The following FAM220A variants were observed in gnomAD, a reference collection of about 807,000 sequenced individuals.
FAM220A encodes the protein family with sequence similarity 220 member A.
For missense variants in FAM220A, 392 were observed against 321.6 expected (o/e 1.22, Z -1.68); for synonymous variants, 141 against 130.7 (o/e 1.08, Z -0.54).
chr7:6,330,216 G>A lies in FAM220A; in HGVS notation c.*159C>T, dbSNP rs1781600074. ...CAAAAAAGTTCCTTCCGCATCAACT[G>A]GCTTTGAATTTAAACTCAATTTACT... On this transcript the variant is annotated 3_prime_UTR_variant, in exon 2 of 2. Transcript: ENST00000313324. 4 of 721,874 alleles carry A rather than the reference G, an allele frequency of 5.5e-6. No homozygotes were observed. The highest frequency in any genetic ancestry group is 9.0e-6 in the Non-Finnish European group (4 of 442,020). The allele number at this position is 721,874 out of a possible 1,614,324, so 44.7% of individuals were successfully genotyped here.
chr7:6,336,283 GGCTGCAGTAA>G (rs1781744763), intron 1 of FAM220A, among the ~76,000 whole-genome samples: 1 of 152,014 alleles, frequency 6.6e-6, no homozygotes, highest in South Asian at 2.1e-4. Flanking sequence ...AGAAGCTCAA[GGCTGCAGTAA>G]GCTGTGATCA....
At chr7:6,340,965 TAAAAA>T (rs149288000) in intron 1 of FAM220A, among the ~76,000 whole-genome samples, 1 of 87,438 alleles carries the variant, frequency 1.1e-5, no homozygotes, top group Admixed American at 1.5e-4. Flanking sequence ...CTGTCTCTAC[TAAAAA>T]AAAAAAAAAA....
chr7:6,335,897 G>C (rs1483130955), intron 1 of FAM220A, among the ~76,000 whole-genome samples: 2 of 151,884 alleles, frequency 1.3e-5, no homozygotes, highest in Admixed American at 6.6e-5. Context: ...GAGTGGCCGG[G>C]AGCAGTGGCT....
intron 1 of FAM220A, among the ~76,000 whole-genome samples, chr7:6,344,774 T>C (rs191805579): frequency 2.0e-5 from 3 of 152,212 alleles, no homozygotes. Flanking sequence ...GGAGTCTCAC[T>C]GTGTTGCCCA....
chr7:6,337,468 G>C lies in FAM220A; in HGVS notation c.-81-6233C>G, dbSNP rs1358612792. Among the ~76,000 whole-genome samples, 2 of 151,762 alleles carry C rather than the reference G, an allele frequency of 1.3e-5. 1 individual carries two copies. The highest frequency in any genetic ancestry group is 4.9e-5 in the African/African-American group (2 of 41,080). On this transcript the variant is annotated intron_variant, in intron 1 of 1. Transcript: ENST00000313324. ...AACAGGTCATATAATATGGGACAGT[G>C]CTCAGAAAAATTAAGTTTCTAACCA...
intron 1 of FAM220A, among the ~76,000 whole-genome samples, chr7:6,346,760 A>G (rs1383099886): frequency 6.6e-6 from 1 of 152,146 alleles, no homozygotes; most frequent in Non-Finnish European, 1.5e-5. Flanking sequence ...GGCACCAGCC[A>G]CCTGAAGACC....
In FAM220A at chr7:6,348,954, T is replaced by C. The variant is rs891561608; in HGVS notation, c.-463A>G. ...CCGCGAGCAGCCGCCTGTACCAGCC[T>C]GGCCGCGCAGCCTGACGTCACAAAG... On this transcript the variant is annotated 5_prime_UTR_variant, in exon 1 of 2. Coordinates refer to ENST00000313324, the MANE Select transcript of FAM220A (RefSeq NM_001037163.2). The C allele has an allele frequency of 5.3e-6, 2 of 376,308 alleles. No individual in the cohort carries two copies. Among genetic ancestry groups the C allele is most frequent in the Non-Finnish European group, 9.4e-6 (2 of 212,746 alleles). The allele number at this position is 376,308 out of a possible 1,614,324, so 23.3% of individuals were successfully genotyped here.
chr7:6,341,037 G>C lies in FAM220A; in HGVS notation c.-82+7536C>G, dbSNP rs182980247. 3.3e-5 allele frequency among the ~76,000 whole-genome samples: 5 copies of C among 150,164 alleles called. No individual in the cohort carries two copies. The South Asian group carries it at 8.3e-4, about 25-fold the overall frequency. ...TGGGAACCTACAGTCCCAGCTACTC[G>C]GGAGGCTGAGGCAGGGGAATGGCAT... is the stretch of plus-strand genomic sequence containing the variant. On this transcript the variant is annotated intron_variant, in intron 1 of 1. Transcript: ENST00000313324.
chr7:6,330,455 T>C lies in FAM220A; in HGVS notation c.700A>G (p.Thr234Ala). The C allele has an allele frequency of 6.2e-7, 1 of 1,614,150 alleles. No homozygotes were observed. Among genetic ancestry groups the C allele is most frequent in the Middle Eastern group, 1.6e-4 (1 of 6,062 alleles). The change falls in exon 2 of 2, where the codon ACC becomes GCC. Residue 234 changes from threonine to alanine, a missense_variant. Transcript: ENST00000313324. ...AGTGTTATCTGCAGACCATCTGAGG[T>C]GCTTTTAAGCATTTTCTTGAATTCT... The part of the protein sequence containing the change: ...TIEFKKMLKS[T>A]SDGLQITLGL...
chr7:6,331,782 C>G (rs1293655011), intron 1 of FAM220A, among the ~76,000 whole-genome samples: 1 of 146,448 alleles, frequency 6.8e-6, no homozygotes, highest in Non-Finnish European at 1.5e-5. Context: ...CTCTTTTTGC[C>G]TAGGCTGGAG....
intron 1 of FAM220A, among the ~76,000 whole-genome samples, chr7:6,343,617 T>A (rs992535428): frequency 1.3e-5 from 2 of 151,790 alleles, no homozygotes; most frequent in Non-Finnish European, 2.9e-5. Context: ...AGATTCTGTA[T>A]AAATAAGAAG....
At chr7:6,339,387 G>A (rs561063452) in intron 1 of FAM220A, among the ~76,000 whole-genome samples, 1 of 152,166 alleles carries the variant, frequency 6.6e-6, no homozygotes, top group Non-Finnish European at 1.5e-5. Flanking sequence ...AGGATCGTTT[G>A]AGCCTAGGAG....
At position 6,348,660 on chromosome 7, in the gene FAM220A, G is replaced by A. The variant is rs754154607; in HGVS notation, c.-169C>T. 45 of 510,580 alleles carry A rather than the reference G, an allele frequency of 8.8e-5. No homozygotes were observed. The highest frequency in any genetic ancestry group is 1.1e-5 in the Non-Finnish European group (3 of 281,644). 31.6% of individuals were successfully genotyped at this position (510,580 alleles called of 1,614,324 possible). A position where few individuals can be genotyped will look rare whatever the true frequency, so the allele number is the denominator to read the frequency against. On this transcript the variant is annotated 5_prime_UTR_variant, in exon 1 of 2. Transcript: ENST00000313324. Reference sequence around the variant, plus strand: ...GCCGCCAGGCCAGGTCGAAGAAGATGAGCAGCGTGCGAGTCAGCCCCTTGC... The same window carrying A: ...GCCGCCAGGCCAGGTCGAAGAAGATAAGCAGCGTGCGAGTCAGCCCCTTGC...
chr7:6,332,409 C>T (rs1781655412), intron 1 of FAM220A, among the ~76,000 whole-genome samples: 2 of 152,180 alleles, frequency 1.3e-5, no homozygotes, highest in Admixed American at 1.3e-4. Context: ...TCTGTAAACT[C>T]ACTTTTGAGT....
At chr7:6,331,738 CTTTTT>C (rs376255551) in intron 1 of FAM220A, among the ~76,000 whole-genome samples, 8 of 117,730 alleles carry the variant, frequency 6.8e-5, no homozygotes, top group Non-Finnish European at 8.8e-5. Flanking sequence ...ATAATAGAGG[CTTTTT>C]TTTTTTTTTT....
intron 1 of FAM220A, among the ~76,000 whole-genome samples, chr7:6,333,285 C>T (rs1283177792): frequency 1.3e-5 from 2 of 151,954 alleles, no homozygotes; most frequent in Non-Finnish European, 2.9e-5. Context: ...CGGGCCATGT[C>T]ACAGGGAGCC....
chr7:6,348,752 C>T lies in FAM220A; in HGVS notation c.-261G>A. 1 of 408,636 alleles carries T rather than the reference C, an allele frequency of 2.4e-6. No individual in the cohort carries two copies. 25.3% of individuals were successfully genotyped at this position (408,636 alleles called of 1,614,324 possible). A position where few individuals can be genotyped will look rare whatever the true frequency, so the allele number is the denominator to read the frequency against. On this transcript the variant is annotated 5_prime_UTR_variant, in exon 1 of 2. Coordinates refer to ENST00000313324, the MANE Select transcript of FAM220A (RefSeq NM_001037163.2). ...CGGACAGCCAGGCCCGACAGAGCCGCCGCCATATAGAGACCGGCGCTCCCA... is the reference window on the plus strand; with the variant it reads ...CGGACAGCCAGGCCCGACAGAGCCGTCGCCATATAGAGACCGGCGCTCCCA...
At chr7:6,332,024 A>G (rs780571548) in intron 1 of FAM220A, among the ~76,000 whole-genome samples, 7 of 151,124 alleles carry the variant, frequency 4.6e-5, no homozygotes, top group Non-Finnish European at 1.0e-4. Context: ...AGGTGGGAGA[A>G]TCGCTTGAAC....
chr7:6,340,813 G>A (rs1431435437), intron 1 of FAM220A, among the ~76,000 whole-genome samples: 3 of 150,472 alleles, frequency 2.0e-5, no homozygotes, highest in East Asian at 3.9e-4. Context: ...GCAGGAGAAT[G>A]GCGTGAACCC....
Sources: allele counts gnomAD v4.1 joint callset (sites outside exome capture counted in the v4.1 genomes callset), GRCh38; gene constraint gnomAD v4.1.1; transcripts MANE v1.5; gene names NCBI Gene and HGNC (gene_info 2026-07-23, HGNC 2026-07-21).